The following FCHSD2 variants were observed in gnomAD, a reference collection of about 807,000 sequenced individuals.
FCHSD2 encodes the protein FCH and double SH3 domains 2.
Under a neutral mutation model 108.1 loss-of-function variants are expected in FCHSD2, and 38 were observed. That is an observed-to-expected ratio of 0.35 (90% CI 0.27 to 0.46). The LOEUF is 0.46. Among genes scored for constraint, FCHSD2 ranks in the 20% least tolerant of loss-of-function variants. The pLI is 1.00. For synonymous variants in FCHSD2, 279 were observed against 314.7 expected (o/e 0.89, Z 1.20); for missense variants, 751 against 897.8 (o/e 0.84, Z 2.09).
chr11:73,040,724 G>A (rs1858614965), intron 3 of FCHSD2, among the ~76,000 whole-genome samples: 1 of 152,154 alleles, frequency 6.6e-6, no homozygotes, highest in Non-Finnish European at 1.5e-5. Flanking sequence ...ATTTCTTCAT[G>A]TTGGAAATAT....
At chr11:73,025,228 G>A (rs934703672) in intron 3 of FCHSD2, among the ~76,000 whole-genome samples, 3 of 152,106 alleles carry the variant, frequency 2.0e-5, no homozygotes. Flanking sequence ...GAAAAGACAT[G>A]GAATCAACCT....
chr11:72,964,935 G>A (rs1053670560), intron 8 of FCHSD2, among the ~76,000 whole-genome samples: 1 of 151,808 alleles, frequency 6.6e-6, no homozygotes, highest in Non-Finnish European at 1.5e-5. Flanking sequence ...GACTACAGGC[G>A]CCCGCCACCA....
intron 6 of FCHSD2, among the ~76,000 whole-genome samples, chr11:72,986,809 T>C (rs1857320755): frequency 6.6e-6 from 1 of 152,158 alleles, no homozygotes; most frequent in Non-Finnish European, 1.5e-5. Context: ...AACATTTCAA[T>C]CTAGAAAAAA....
At chr11:73,104,287 G>A (rs146356678) in intron 2 of FCHSD2, among the ~76,000 whole-genome samples, 2 of 152,238 alleles carry the variant, frequency 1.3e-5, no homozygotes, top group African/African-American at 2.4e-5. Flanking sequence ...TATTTATGGA[G>A]ACAGAGTCTC....
At chr11:72,978,382 C>CA (rs535114734) in intron 8 of FCHSD2, among the ~76,000 whole-genome samples, 52 of 151,924 alleles carry the variant, frequency 3.4e-4, no homozygotes, top group African/African-American at 1.2e-3. Context: ...AGACATTTCT[C>CA]AAAAAAAGTC....
intron 3 of FCHSD2, among the ~76,000 whole-genome samples, chr11:73,036,823 T>C (rs1858509699): frequency 6.6e-6 from 1 of 152,244 alleles, no homozygotes; most frequent in East Asian, 1.9e-4. Flanking sequence ...AAACTTTTTA[T>C]TGATAAAATT....
chr11:72,938,052 G>C (rs1003648214), intron 8 of FCHSD2, among the ~76,000 whole-genome samples: 3 of 152,178 alleles, frequency 2.0e-5, no homozygotes, highest in Non-Finnish European at 1.5e-5. Flanking sequence ...GAGATAGGAG[G>C]AAAGCATTCC....
chr11:73,049,088 T>C (rs905521581), intron 3 of FCHSD2, among the ~76,000 whole-genome samples: 2 of 152,158 alleles, frequency 1.3e-5, no homozygotes. Flanking sequence ...GGGTTCAGCG[T>C]AGGATGGTGA....
At chr11:72,997,794 G>A (rs530873021) in intron 5 of FCHSD2, among the ~76,000 whole-genome samples, 6 of 152,282 alleles carry the variant, frequency 3.9e-5, no homozygotes, top group South Asian at 4.1e-4. Context: ...TCTACCTCCT[G>A]TGCTCAAGTG....
intron 2 of FCHSD2, among the ~76,000 whole-genome samples, chr11:73,097,644 A>T (rs1860121985): frequency 7.5e-6 from 1 of 133,872 alleles, no homozygotes. Context: ...CTAATTACTG[A>T]TTCAATCCCT....
At chr11:73,008,304 A>G (rs901469862) in intron 4 of FCHSD2, among the ~76,000 whole-genome samples, 2 of 152,122 alleles carry the variant, frequency 1.3e-5, no homozygotes, top group South Asian at 4.2e-4. Context: ...GTACCACTGC[A>G]CTCCAGCCTG....
At chr11:73,077,498 A>G (rs1026455242) in intron 3 of FCHSD2, 6 of 327,348 alleles carry the variant, frequency 1.8e-5, no homozygotes, top group Non-Finnish European at 2.9e-5. Flanking sequence ...AGTTATTTAA[A>G]AAGTTAAAAA....
At chr11:72,904,688 TTTC>T (rs1465144217) in intron 9 of FCHSD2, among the ~76,000 whole-genome samples, 8 of 152,248 alleles carry the variant, frequency 5.3e-5, no homozygotes, top group Non-Finnish European at 1.0e-4. Flanking sequence ...TCCCTGATTG[TTTC>T]TTTTTTTTAC....
chr11:72,863,671 TAAAC>T (rs984485979), intron 13 of FCHSD2, among the ~76,000 whole-genome samples: 6 of 152,036 alleles, frequency 3.9e-5, no homozygotes, highest in Non-Finnish European at 5.9e-5. Flanking sequence ...CAATAAAAAT[TAAAC>T]AAAGATTTGA....
intron 5 of FCHSD2, among the ~76,000 whole-genome samples, chr11:72,997,770 G>C (rs545106599): frequency 6.6e-6 from 1 of 152,130 alleles, no homozygotes; most frequent in African/African-American, 2.4e-5. Context: ...GCACGATCTC[G>C]ACTTCCTGCA....
chr11:72,916,700 A>C (rs771347496), intron 9 of FCHSD2, among the ~76,000 whole-genome samples: 50 of 152,294 alleles, frequency 3.3e-4, no homozygotes, highest in Admixed American at 6.5e-4. Context: ...CTTTTATCAG[A>C]TATGTGATGT....
intron 3 of FCHSD2, among the ~76,000 whole-genome samples, chr11:73,029,039 T>C (rs1419716296): frequency 6.6e-6 from 1 of 151,880 alleles, no homozygotes; most frequent in East Asian, 1.9e-4. Flanking sequence ...CATACAGCAA[T>C]GAAAGTAGAA....
intron 7 of FCHSD2, among the ~76,000 whole-genome samples, chr11:72,984,537 G>C (rs977546358): frequency 2.0e-5 from 3 of 152,114 alleles, no homozygotes; most frequent in Non-Finnish European, 4.4e-5. Context: ...ATCTTCAAAG[G>C]TATGGGTAAA....
At chr11:73,065,854 G>A (rs1277913646) in intron 3 of FCHSD2, among the ~76,000 whole-genome samples, 1 of 152,084 alleles carries the variant, frequency 6.6e-6, no homozygotes, top group African/African-American at 2.4e-5. Flanking sequence ...AAATAAGAGA[G>A]GACACAAACA....
Sources: gnomAD v4.1 joint callset for allele counts (sites outside exome capture counted in the v4.1 genomes callset) on GRCh38, gnomAD v4.1.1 for gene constraint, MANE v1.5 for transcripts, NCBI Gene and HGNC (gene_info 2026-07-23, HGNC 2026-07-21) for gene names.